ZNF782: variants seen among roughly 807,000 people sequenced by gnomAD.
ZNF782 encodes the protein zinc finger protein 782.
In ZNF782, 12 loss-of-function variants were observed where a neutral mutation model predicts 13.0. The ratio of observed to expected loss-of-function variants is 0.92; its 90% CI spans 0.59 to 1.50. The LOEUF is 1.50. Ranked by LOEUF, ZNF782 falls within the 40% of genes most tolerant of loss-of-function variation. ZNF782 has a pLI of 0.00. For missense variants in ZNF782, 770 were observed against 822.9 expected, an observed-to-expected ratio of 0.94 and a Z score of 0.79; for synonymous variants, 284 against 283.0, an observed-to-expected ratio of 1.00 and a Z score of -0.04.
chr9:96,818,248 C>T lies in ZNF782; in HGVS notation c.1775G>A (p.Cys592Tyr). Residue 592 changes from cysteine (C) to tyrosine (Y), a missense_variant, in exon 6 of 6, where the codon TGT (cysteine) becomes TAT (tyrosine). Physicochemically the swap from Cys to Tyr is radical, Grantham distance 194. Coordinates refer to ENST00000481138, the MANE Select transcript of ZNF782 (RefSeq NM_001001662.3). ...RTHTGEKPYQ[C>Y]EECGKTFRQK... ...CCTGAATGTTTTTCCACACTCCTCA[C>T]ATTGATAGGGTTTCTCCCCAGTATG... The T allele has an allele frequency of 1.2e-6, 2 of 1,614,018 alleles. No individual in the cohort carries two copies. The highest frequency in any genetic ancestry group is 1.3e-5 in the African/African-American group (1 of 74,950).
chr9:96,843,279 A>C (rs772701942), intron 4 of ZNF782, among the ~76,000 whole-genome samples: 3 of 152,200 alleles, frequency 2.0e-5, no homozygotes, highest in Non-Finnish European at 4.4e-5. Context: ...AAATGGAAAC[A>C]ACCAAAATGT....
Position 96,818,957 on chromosome 9 carries a change from G to A in ZNF782, c.1066C>T (p.His356Tyr), listed in dbSNP as rs766698970. Residue 356 changes from histidine (H) to tyrosine (Y), a missense_variant, in exon 6 of 6, where the codon CAT becomes TAT. Coordinates refer to ENST00000481138, the MANE Select transcript of ZNF782 (RefSeq NM_001001662.3). ...TTTGCCCTTATGTGAACCTTCTGAT[G>A]TACACTGAAAGTTGACTGGTAGCTG... is the stretch of plus-strand genomic sequence containing the variant. ...TFSYQSTFSV[H>Y]QKVHIRAKPY... is the part of the protein sequence containing the mutation. The A allele has an allele frequency of 6.2e-7, 1 of 1,614,174 alleles. No individual in the cohort carries two copies. The highest frequency in any genetic ancestry group is 8.5e-7 in the Non-Finnish European group (1 of 1,180,024).
intron 5 of ZNF782, among the ~76,000 whole-genome samples, chr9:96,821,117 C>T (rs1362567145): frequency 6.6e-6 from 1 of 152,200 alleles, no homozygotes; most frequent in Non-Finnish European, 1.5e-5. Context: ...TACCCGCATT[C>T]CATGCAAAAA....
chr9:96,861,086 C>G (rs1347150143), intron 2 of ZNF782, among the ~76,000 whole-genome samples: 1 of 151,768 alleles, frequency 6.6e-6, no homozygotes, highest in African/African-American at 2.4e-5. Flanking sequence ...GTCTCTATTT[C>G]TTAAAAAAAA....
chr9:96,916,438 G>A, the ZNF782 span, among the ~76,000 whole-genome samples: 1 of 151,930 alleles, frequency 6.6e-6, no homozygotes, highest in Admixed American at 6.6e-5. Flanking sequence ...GCAGTGAGCT[G>A]AGATTGTGCC....
the ZNF782 span, chr9:96,890,858 T>C: frequency 6.6e-6 from 1 of 152,346 alleles, no homozygotes; most frequent in South Asian, 2.1e-4. Context: ...TTATTCATAA[T>C]AGCCCAAAGG....
the ZNF782 span, among the ~76,000 whole-genome samples, chr9:96,917,887 C>CGTGTGTGTGTGTGTGT: frequency 5.2e-4 from 63 of 121,712 alleles, 1 homozygote; most frequent in African/African-American, 2.2e-3. Flanking sequence ...CCACCCTTGG[C>CGTGTGTGTGTGTGTGT]GTGTGTGTGT....
At chr9:96,930,872 G>GTTTTTTTTTTTTTTTTT in the ZNF782 span, among the ~76,000 whole-genome samples, 7 of 72,726 alleles carry the variant, frequency 9.6e-5, 2 homozygotes, top group Admixed American at 2.0e-4. Context: ...CCATCCAGTG[G>GTTTTTTTTTTTTTTTTT]TTTTTTTTTT....
At chr9:96,834,644 C>T (rs1850928409) in intron 4 of ZNF782, among the ~76,000 whole-genome samples, 1 of 152,242 alleles carries the variant, frequency 6.6e-6, no homozygotes, top group Admixed American at 6.5e-5. Context: ...CCCGATGAAG[C>T]TGTCCAATTT....
At chr9:96,822,483 A>C (rs1850456696) in intron 5 of ZNF782, among the ~76,000 whole-genome samples, 2 of 152,106 alleles carry the variant, frequency 1.3e-5, no homozygotes, top group Admixed American at 1.3e-4. Flanking sequence ...CATACACTAA[A>C]GTATTTCAAA....
intron 4 of ZNF782, among the ~76,000 whole-genome samples, chr9:96,843,277 AC>A (rs1851242295): frequency 6.6e-6 from 1 of 152,202 alleles, no homozygotes; most frequent in African/African-American, 2.4e-5. Context: ...CAAAATGGAA[AC>A]AACCAAAATG....
chr9:96,866,282 A>G (rs1163136854), intron 1 of ZNF782, among the ~76,000 whole-genome samples: 1 of 152,212 alleles, frequency 6.6e-6, no homozygotes, highest in African/African-American at 2.4e-5. Context: ...TGTGCAGTCT[A>G]GGAACTTGGC....
the ZNF782 span, among the ~76,000 whole-genome samples, chr9:96,906,134 C>T: frequency 6.6e-6 from 1 of 152,234 alleles, no homozygotes; most frequent in Admixed American, 6.5e-5. Context: ...CACTATGATC[C>T]AGCAATTCTA....
chr9:96,863,406 C>T (rs986198043), intron 1 of ZNF782, among the ~76,000 whole-genome samples: 1 of 151,960 alleles, frequency 6.6e-6, no homozygotes, highest in South Asian at 2.1e-4. Flanking sequence ...CACTTTTACA[C>T]TGCTGATGGG....
upstream of ZNF782, among the ~76,000 whole-genome samples, chr9:96,876,285 G>A (rs1851891914): frequency 6.6e-6 from 1 of 152,168 alleles, no homozygotes; most frequent in African/African-American, 2.4e-5. Context: ...ACATGCACAG[G>A]GAAGCATTTA....
At chr9:96,842,815 C>T (rs1214854621) in intron 4 of ZNF782, among the ~76,000 whole-genome samples, 1 of 152,000 alleles carries the variant, frequency 6.6e-6, no homozygotes, top group Non-Finnish European at 1.5e-5. Flanking sequence ...CAAAGAAACT[C>T]ATATCTAGAC....
the ZNF782 span, chr9:96,892,915 T>A: frequency 2.6e-5 from 4 of 151,942 alleles, no homozygotes; most frequent in Non-Finnish European, 5.9e-5. Flanking sequence ...ACCTGAAAAG[T>A]ATAATTCATG....
chr9:96,892,930 G>A, the ZNF782 span: 2 of 151,396 alleles, frequency 1.3e-5, no homozygotes, highest in African/African-American at 4.9e-5. Flanking sequence ...TTCATGGCAG[G>A]ACTCTATTTC....
At position 96,817,772 on chromosome 9, in the gene ZNF782, T is replaced by C; in HGVS notation, c.*151A>G. 1.5e-6 allele frequency: 1 copy of C among 645,750 alleles called. No homozygotes were observed. Among genetic ancestry groups the C allele is most frequent in the South Asian group, 3.1e-5 (1 of 32,216 alleles). 40.0% of individuals were successfully genotyped at this position (645,750 alleles called of 1,614,324 possible). On this transcript the variant is annotated 3_prime_UTR_variant, in exon 6 of 6. Coordinates refer to ENST00000481138, the MANE Select transcript of ZNF782 (RefSeq NM_001001662.3). ...ATATAAAATAGATTTCAACAATTTA[T>C]CTTCTATTCTTTGATATTTGGTGGA...
Sources: allele counts gnomAD v4.1 joint callset (sites outside exome capture counted in the v4.1 genomes callset), GRCh38; gene constraint gnomAD v4.1.1; transcripts MANE v1.5; gene names NCBI Gene and HGNC (gene_info 2026-07-23, HGNC 2026-07-21).